The following LHPP variants were observed in gnomAD, a reference collection of about 807,000 sequenced individuals.
LHPP encodes the protein hLHPP.
A neutral mutation model predicts 30.3 loss-of-function variants in LHPP; 24 were observed. The ratio of observed to expected loss-of-function variants is 0.79; its 90% CI spans 0.57 to 1.11. The LOEUF is 1.11. Ranked by LOEUF, LHPP falls within the 50% of genes most tolerant of loss-of-function variation. The pLI, the probability that LHPP is intolerant of heterozygous loss-of-function variation, is 0.00. For synonymous variants in LHPP, 150 were observed against 157.1 expected (o/e 0.95, Z 0.34); for missense variants, 356 against 367.2 (o/e 0.97, Z 0.25).
chr10:124,474,132 C>CTTTTTTTTT (rs544464876), intron 1 of LHPP, among the ~76,000 whole-genome samples: 1 of 71,904 alleles, frequency 1.4e-5, no homozygotes, highest in Admixed American at 2.1e-4. Flanking sequence ...TTGCTTTGCC[C>CTTTTTTTTT]TTTTTTTTTT....
rs1296038727 is a variant in LHPP, at chr10:124,510,909, G to A, written c.625-6271G>A. Reference sequence around the variant, plus strand: ...TGCTGCCAGATGCCAGCAGCCGTGGGGGCTTGCCCGGCCAGCCCTGGCTTT... The same window carrying A: ...TGCTGCCAGATGCCAGCAGCCGTGGAGGCTTGCCCGGCCAGCCCTGGCTTT... On this transcript the variant is annotated intron_variant, in intron 5 of 6. Coordinates refer to ENST00000368842, the MANE Select transcript of LHPP (RefSeq NM_022126.4). This position sits in a 1 kb window ranked among gnomAD's most constrained non-coding sequence, Gnocchi z 4.0. Among the ~76,000 whole-genome samples the A allele has an allele frequency of 1.3e-5, 2 of 152,098 alleles. No individual in the cohort carries two copies. Among genetic ancestry groups the A allele is most frequent in the African/African-American group, 2.4e-5 (1 of 41,384 alleles).
intron 6 of LHPP, among the ~76,000 whole-genome samples, chr10:124,528,169 C>T (rs745894428): frequency 6.6e-6 from 1 of 152,142 alleles, no homozygotes; most frequent in Admixed American, 6.5e-5. Flanking sequence ...AGTGAGGGCC[C>T]GCCATGGTGG....
chr10:124,574,216 T>C (rs1270141217), intron 6 of LHPP, among the ~76,000 whole-genome samples: 1 of 152,244 alleles, frequency 6.6e-6, no homozygotes, highest in African/African-American at 2.4e-5. Flanking sequence ...TAAGTCGTTT[T>C]TGACATATGG....
intron 6 of LHPP, among the ~76,000 whole-genome samples, chr10:124,609,946 T>G (rs1161674428): frequency 1.3e-5 from 2 of 152,252 alleles, no homozygotes; most frequent in Non-Finnish European, 2.9e-5. Context: ...TAAAGCTGTG[T>G]GGAGCAGTGT....
intron 6 of LHPP, among the ~76,000 whole-genome samples, chr10:124,578,752 C>T (rs1425290867): frequency 6.6e-6 from 1 of 152,216 alleles, no homozygotes; most frequent in Non-Finnish European, 1.5e-5. Flanking sequence ...AGCATCTCTG[C>T]CCTCCCCGCT....
intron 6 of LHPP, among the ~76,000 whole-genome samples, chr10:124,610,146 C>T (rs1949151333): frequency 6.6e-6 from 1 of 152,198 alleles, no homozygotes; most frequent in African/African-American, 2.4e-5. Context: ...GGTGCCAAGT[C>T]CCTATTTCAG....
chr10:124,597,498 G>C lies in LHPP; in HGVS notation c.717-15766G>C, dbSNP rs1373611976. On this transcript the variant is annotated intron_variant, in intron 6 of 6. Coordinates refer to ENST00000368842, the MANE Select transcript of LHPP (RefSeq NM_022126.4). ...CCAGCACTCGGGTCTGTGAGTGGCA[G>C]TGGAGATGACACTAGGCTCTAAGTA... 3.3e-5 allele frequency among the ~76,000 whole-genome samples: 5 copies of C among 152,242 alleles called. No homozygotes were observed. The South Asian group carries it at 1.0e-3, about 31-fold the overall frequency.
chr10:124,465,902 TC>T (rs1952540821), intron 1 of LHPP, among the ~76,000 whole-genome samples: 1 of 152,230 alleles, frequency 6.6e-6, no homozygotes, highest in Non-Finnish European at 1.5e-5. Context: ...CTGCCCTGTT[TC>T]ATCAATTTGA....
At chr10:124,554,416 C>G (rs1340756563) in intron 6 of LHPP, among the ~76,000 whole-genome samples, 1 of 152,230 alleles carries the variant, frequency 6.6e-6, no homozygotes, top group African/African-American at 2.4e-5. Context: ...CCAGGCTGGT[C>G]TTGAACTGGG....
At chr10:124,581,461 C>CTATTT (rs1239951344) in intron 6 of LHPP, among the ~76,000 whole-genome samples, 1 of 152,168 alleles carries the variant, frequency 6.6e-6, no homozygotes, top group East Asian at 1.9e-4. Flanking sequence ...TTTTTAATCA[C>CTATTT]TTGAGGAATT....
At chr10:124,508,033 C>CA in intron 5 of LHPP, among the ~76,000 whole-genome samples, 1 of 152,022 alleles carries the variant, frequency 6.6e-6, no homozygotes, top group East Asian at 1.9e-4. Flanking sequence ...CATATAAACT[C>CA]AAAGGTGCCC....
chr10:124,481,892 C>T (rs1328959625), intron 1 of LHPP, among the ~76,000 whole-genome samples: 1 of 152,216 alleles, frequency 6.6e-6, no homozygotes, highest in Non-Finnish European at 1.5e-5. Flanking sequence ...GCCTGAATCC[C>T]CAGTCTTTTA....
chr10:124,477,621 G>A (rs1178826674), intron 1 of LHPP, among the ~76,000 whole-genome samples: 1 of 152,190 alleles, frequency 6.6e-6, no homozygotes, highest in Non-Finnish European at 1.5e-5. Context: ...GCTTCTCCCA[G>A]TAAAGCACCT....
intron 6 of LHPP, among the ~76,000 whole-genome samples, chr10:124,534,407 G>A (rs922547513): frequency 4.6e-5 from 7 of 152,230 alleles, no homozygotes; most frequent in Non-Finnish European, 7.3e-5. Flanking sequence ...GGGCAGCACC[G>A]GCACGTCGGA....
At chr10:124,531,486 G>A (rs1292337514) in intron 6 of LHPP, among the ~76,000 whole-genome samples, 1 of 152,206 alleles carries the variant, frequency 6.6e-6, no homozygotes, top group African/African-American at 2.4e-5. Flanking sequence ...CTCCTCTAGA[G>A]AGGGGAAGAC....
intron 1 of LHPP, among the ~76,000 whole-genome samples, chr10:124,482,954 A>G (rs985174744): frequency 7.2e-5 from 11 of 152,078 alleles, no homozygotes; most frequent in Non-Finnish European, 1.5e-4. Context: ...CATGCTCACG[A>G]CTACAGCTCT....
chr10:124,539,960 T>C (rs1955140782), intron 6 of LHPP, among the ~76,000 whole-genome samples: 1 of 152,004 alleles, frequency 6.6e-6, no homozygotes, highest in African/African-American at 2.4e-5. Flanking sequence ...GAGACCAGAA[T>C]GAGATATCCT....
At chr10:124,568,331 G>C (rs748093394) in intron 6 of LHPP, among the ~76,000 whole-genome samples, 1 of 152,118 alleles carries the variant, frequency 6.6e-6, no homozygotes, top group Admixed American at 6.5e-5. Flanking sequence ...AACCAGCTCC[G>C]GATCGAGAAG....
At chr10:124,564,032 G>A (rs1371737913) in intron 6 of LHPP, among the ~76,000 whole-genome samples, 2 of 148,442 alleles carry the variant, frequency 1.3e-5, no homozygotes, top group African/African-American at 5.0e-5. Context: ...CTGCAACTTC[G>A]AACTCCTGGG....
Sources: allele counts gnomAD v4.1 joint callset (sites outside exome capture counted in the v4.1 genomes callset), GRCh38; gene constraint gnomAD v4.1.1; non-coding constraint Gnocchi (gnomAD v3.1); transcripts MANE v1.5; gene names NCBI Gene and HGNC (gene_info 2026-07-23, HGNC 2026-07-21).